Variants in SNTG1 observed in about 807,000 individuals in gnomAD.
The protein encoded by SNTG1 is syntrophin gamma 1.
A neutral mutation model predicts 74.7 loss-of-function variants in SNTG1; 39 were observed. The ratio of observed to expected loss-of-function variants is 0.52; its 90% CI spans 0.40 to 0.68. The LOEUF (loss-of-function observed/expected upper bound fraction) is 0.68. Among genes scored for constraint, SNTG1 ranks in the 30% least tolerant of loss-of-function variants. The pLI, the probability that SNTG1 is intolerant of heterozygous loss-of-function variation, is 0.00. For missense variants in SNTG1, 685 were observed against 609.5 expected, an observed-to-expected ratio of 1.12 and a Z score of -1.30; for synonymous variants, 254 against 217.1, an observed-to-expected ratio of 1.17 and a Z score of -1.49.
chr8:50,081,311 T>C (rs1413852707), intron 1 of SNTG1, among the ~76,000 whole-genome samples: 1 of 152,186 alleles, frequency 6.6e-6, no homozygotes, highest in Non-Finnish European at 1.5e-5. Flanking sequence ...ATGTTGTATA[T>C]GATTGGTCAT....
intron 4 of SNTG1, among the ~76,000 whole-genome samples, chr8:50,419,452 C>G (rs1443457379): frequency 1.3e-5 from 2 of 152,106 alleles, no homozygotes; most frequent in Admixed American, 6.6e-5. Context: ...CAACAACAAT[C>G]CCCCACAAAC....
chr8:50,115,687 C>T (rs971847766), intron 1 of SNTG1, among the ~76,000 whole-genome samples: 5 of 151,378 alleles, frequency 3.3e-5, no homozygotes, highest in Non-Finnish European at 5.9e-5. Context: ...AGGAAATTGT[C>T]GTGCTCTGTG....
At chr8:50,199,646 A>C (rs1016065241) in intron 2 of SNTG1, among the ~76,000 whole-genome samples, 2 of 152,158 alleles carry the variant, frequency 1.3e-5, no homozygotes, top group Non-Finnish European at 2.9e-5. Flanking sequence ...TACAGATTCT[A>C]GGAAATTATG....
At chr8:50,346,254 A>T (rs180738627) in intron 2 of SNTG1, among the ~76,000 whole-genome samples, 91 of 152,332 alleles carry the variant, frequency 6.0e-4, no homozygotes, top group Non-Finnish European at 1.5e-4. Context: ...CTGTCTTTGT[A>T]ATTGTCATGA....
At chr8:50,593,924 G>A (rs1268306299) in intron 13 of SNTG1, among the ~76,000 whole-genome samples, 1 of 151,930 alleles carries the variant, frequency 6.6e-6, no homozygotes, top group African/African-American at 2.4e-5. Flanking sequence ...CACCGTGTTG[G>A]CCAGCCTGGT....
At chr8:50,767,606 G>GA (rs1418473215) in intron 18 of SNTG1, among the ~76,000 whole-genome samples, 4 of 151,528 alleles carry the variant, frequency 2.6e-5, no homozygotes, top group Admixed American at 1.3e-4. Context: ...CGGTATTATA[G>GA]TTTTTTTTGA....
At chr8:50,328,052 A>G (rs184398390) in intron 2 of SNTG1, among the ~76,000 whole-genome samples, 2 of 152,246 alleles carry the variant, frequency 1.3e-5, no homozygotes, top group Non-Finnish European at 2.9e-5. Context: ...TATTTTAACA[A>G]ACGTTTTGCT....
intron 15 of SNTG1, among the ~76,000 whole-genome samples, chr8:50,693,490 A>G (rs2095391263): frequency 6.6e-6 from 1 of 152,214 alleles, no homozygotes; most frequent in Non-Finnish European, 1.5e-5. Flanking sequence ...GCCAATATTA[A>G]AGGACCTGAA....
chr8:50,592,042 C>T (rs2094695271), intron 13 of SNTG1, among the ~76,000 whole-genome samples: 1 of 152,072 alleles, frequency 6.6e-6, no homozygotes, highest in African/African-American at 2.4e-5. Flanking sequence ...CCATGCTGTC[C>T]CAGGTGATTC....
At chr8:50,034,524 C>A (rs1252885645) in intron 1 of SNTG1, among the ~76,000 whole-genome samples, 1 of 151,940 alleles carries the variant, frequency 6.6e-6, no homozygotes, top group Non-Finnish European at 1.5e-5. Context: ...GGTTGCTCAC[C>A]AGGGTGGGAT....
intron 1 of SNTG1, among the ~76,000 whole-genome samples, chr8:49,938,067 C>T (rs2129368326): frequency 6.6e-6 from 1 of 152,254 alleles, no homozygotes; most frequent in East Asian, 1.9e-4. Context: ...ATTATTGGTT[C>T]CCTGACTCCT....
chr8:50,013,136 A>T (rs1380039052), intron 1 of SNTG1, among the ~76,000 whole-genome samples: 1 of 152,186 alleles, frequency 6.6e-6, no homozygotes, highest in Non-Finnish European at 1.5e-5. Context: ...AATATTTGTT[A>T]AATGAATCAA....
At chr8:50,337,048 G>C in intron 2 of SNTG1, among the ~76,000 whole-genome samples, 1 of 152,120 alleles carries the variant, frequency 6.6e-6, no homozygotes, top group Non-Finnish European at 1.5e-5. Flanking sequence ...TGTATTGATA[G>C]TCCCCCTGGC....
intron 2 of SNTG1, among the ~76,000 whole-genome samples, chr8:50,304,777 C>A (rs2089805568): frequency 6.6e-6 from 1 of 152,166 alleles, no homozygotes; most frequent in South Asian, 2.1e-4. Context: ...GATGATCCAC[C>A]ATCGGATAGA....
intron 9 of SNTG1, among the ~76,000 whole-genome samples, chr8:50,505,457 G>A (rs901610219): frequency 6.6e-6 from 1 of 152,008 alleles, no homozygotes; most frequent in African/African-American, 2.4e-5. Flanking sequence ...TAAGTAACAG[G>A]CAAAGCTTCC....
intron 5 of SNTG1, among the ~76,000 whole-genome samples, chr8:50,443,051 A>AAT (rs2093373209): frequency 6.6e-6 from 1 of 152,166 alleles, no homozygotes; most frequent in South Asian, 2.1e-4. Flanking sequence ...AAATAACTTT[A>AAT]ATAGTTTCCT....
intron 2 of SNTG1, among the ~76,000 whole-genome samples, chr8:50,376,785 A>AGAGAGAGAGAGAGAGAGAG (rs2092396412): frequency 2.1e-5 from 3 of 143,140 alleles, no homozygotes; most frequent in Non-Finnish European, 3.0e-5. Context: ...AGAGAGAGAG[A>AGAGAGAGAGAGAGAGAGAG]ATAGTGCTTC....
chr8:49,953,341 TG>T (rs1458201133), intron 1 of SNTG1, among the ~76,000 whole-genome samples: 1 of 152,116 alleles, frequency 6.6e-6, no homozygotes, highest in African/African-American at 2.4e-5. Context: ...AGAGGACCCT[TG>T]GGGGGAAACA....
chr8:50,395,643 A>G (rs1027299618), intron 3 of SNTG1, among the ~76,000 whole-genome samples: 10 of 151,738 alleles, frequency 6.6e-5, no homozygotes, highest in African/African-American at 2.2e-4. Context: ...AGCTGGGACT[A>G]CAGGTGCCTG....
Sources: gnomAD v4.1 joint callset for allele counts (sites outside exome capture counted in the v4.1 genomes callset) on GRCh38, gnomAD v4.1.1 for gene constraint, MANE v1.5 for transcripts, NCBI Gene and HGNC (gene_info 2026-07-23, HGNC 2026-07-21) for gene names.